ZNF248: variants seen among roughly 807,000 people sequenced by gnomAD.
ZNF248 encodes zinc finger protein 248, also known as KRAB protein domain.
In ZNF248, 20 loss-of-function variants were observed where a neutral mutation model predicts 44.3. The ratio of observed to expected loss-of-function variants is 0.45; its 90% CI spans 0.32 to 0.66. ZNF248 has a LOEUF of 0.66. Ranked by LOEUF, ZNF248 falls within the 30% of genes least tolerant of loss-of-function variation. The pLI is 0.04. For missense variants in ZNF248, 654 were observed against 677.0 expected (o/e 0.97, Z 0.38); for synonymous variants, 224 against 229.0 (o/e 0.98, Z 0.20).
At chr10:37,763,351 T>A in the ZNF248 span, among the ~76,000 whole-genome samples, 276 of 152,334 alleles carry the variant, frequency 1.8e-3, no homozygotes, top group Non-Finnish European at 2.9e-3. Flanking sequence ...AGTAGATAAC[T>A]TCAAGGAGCC....
chr10:37,849,152 G>A (rs1338305504), intron 3 of ZNF248, among the ~76,000 whole-genome samples: 10 of 152,104 alleles, frequency 6.6e-5, no homozygotes, highest in African/African-American at 2.4e-4. Context: ...ATTAACAACA[G>A]GCCAGACATG....
intron 6 of ZNF248, among the ~76,000 whole-genome samples, chr10:37,816,324 G>A (rs1380073633): frequency 6.6e-6 from 1 of 152,218 alleles, no homozygotes; most frequent in Non-Finnish European, 1.5e-5. Flanking sequence ...AGTGACTAGA[G>A]CACAGTTCCC....
downstream of ZNF248, among the ~76,000 whole-genome samples, chr10:37,773,988 T>TACACACAC (rs139568981): frequency 6.7e-6 from 1 of 149,166 alleles, no homozygotes; most frequent in Non-Finnish European, 1.5e-5. Flanking sequence ...TGAAAATGAA[T>TACACACAC]ACACACACAC....
chr10:37,812,914 C>T (rs114081376), intron 6 of ZNF248, among the ~76,000 whole-genome samples: 1,657 of 151,278 alleles, frequency 0.011, 35 homozygotes, highest in African/African-American at 0.038. Flanking sequence ...GACCCCAAAA[C>T]AATAAATTCC....
intron 6 of ZNF248, among the ~76,000 whole-genome samples, chr10:37,814,510 C>G (rs920514384): frequency 1.3e-5 from 2 of 152,180 alleles, no homozygotes; most frequent in Non-Finnish European, 2.9e-5. Context: ...TAGTTTCTGT[C>G]TAGTGTCCTT....
chr10:37,844,563 A>G (rs2058944747), intron 3 of ZNF248, among the ~76,000 whole-genome samples: 1 of 152,216 alleles, frequency 6.6e-6, no homozygotes, highest in African/African-American at 2.4e-5. Flanking sequence ...TCAGTGCACA[A>G]TGTATAAAGA....
intron 6 of ZNF248, chr10:37,819,549 G>T: frequency 1.0e-6 from 1 of 965,738 alleles, no homozygotes; most frequent in Non-Finnish European, 1.7e-6. Flanking sequence ...CTGTCATTTA[G>T]CATTGGATGA....
the ZNF248 span, among the ~76,000 whole-genome samples, chr10:37,770,012 T>A: frequency 1.2e-4 from 18 of 152,132 alleles, no homozygotes; most frequent in Non-Finnish European, 2.2e-4. Flanking sequence ...ATGAGTGAAC[T>A]CCCTTTCACC....
intron 6 of ZNF248, among the ~76,000 whole-genome samples, chr10:37,790,647 T>C (rs1431604485): frequency 6.6e-6 from 1 of 151,812 alleles, no homozygotes; most frequent in Admixed American, 6.6e-5. Context: ...GAGGCAGTGG[T>C]TGCAGTGAGC....
chr10:37,818,707 G>T (rs2052967867), intron 6 of ZNF248: 9 of 570,372 alleles, frequency 1.6e-5, no homozygotes, highest in Non-Finnish European at 2.9e-5. Flanking sequence ...AGCAAGTAGG[G>T]GGTCACAGGC....
At chr10:37,841,662 G>A (rs1195329482) in intron 3 of ZNF248, among the ~76,000 whole-genome samples, 2 of 152,198 alleles carry the variant, frequency 1.3e-5, no homozygotes, top group African/African-American at 4.8e-5. Context: ...GTTGAAAACG[G>A]AGGACAAAGG....
rs73236275 is a variant in ZNF248, at chr10:37,805,056, C to T, written c.330+27969G>A. Among the ~76,000 whole-genome samples the T allele has an allele frequency of 3.9e-3, 592 of 152,166 alleles. 5 individuals carry two copies. The highest frequency in any genetic ancestry group is 0.014 in the African/African-American group (572 of 41,530). On this transcript the variant is annotated intron_variant, in intron 6 of 6. Coordinates refer to the ZNF248 transcript ENST00000615949. ...TTAGGCCAATGCACCCACTTCAACACCTAGAAAAAAACTAGACAAATAATA... is the reference window on the plus strand; with the variant it reads ...TTAGGCCAATGCACCCACTTCAACATCTAGAAAAAAACTAGACAAATAATA...
At chr10:37,850,197 GTAC>G in intron 3 of ZNF248, among the ~76,000 whole-genome samples, 1 of 152,166 alleles carries the variant, frequency 6.6e-6, no homozygotes, top group Non-Finnish European at 1.5e-5. Context: ...AATTTAAACT[GTAC>G]CAACTCTCTT....
chr10:37,822,589 A>G (rs2133667804), intron 6 of ZNF248, among the ~76,000 whole-genome samples: 1 of 152,256 alleles, frequency 6.6e-6, no homozygotes, highest in African/African-American at 2.4e-5. Context: ...ACATATTAAT[A>G]AAATGTCTCT....
intron 6 of ZNF248, among the ~76,000 whole-genome samples, chr10:37,778,652 T>C (rs1227626479): frequency 1.3e-5 from 2 of 152,204 alleles, no homozygotes; most frequent in Non-Finnish European, 2.9e-5. Flanking sequence ...CTAGGGTTTT[T>C]ATGGTTTCAG....
intron 3 of ZNF248, among the ~76,000 whole-genome samples, chr10:37,841,770 CTGAA>C (rs1396562088): frequency 6.6e-6 from 1 of 152,192 alleles, no homozygotes; most frequent in African/African-American, 2.4e-5. Flanking sequence ...TAGGATGTGA[CTGAA>C]TGACACTACC....
chr10:37,832,318 T>C lies in ZNF248; in HGVS notation c.1037A>G (p.His346Arg), dbSNP rs368308929. Residue 346 changes from histidine (H) to arginine (R), a missense_variant, in exon 6 of 6, where the codon CAC becomes CGC. Physicochemically the swap from His to Arg is conservative, Grantham distance 29. Transcript: ENST00000395867. ...GTAATCATAAGACTTTCCCCCCATG[T>C]GTACTATTTGATGTTTTAAGAGAGC... ...KSALLKHQIV[H>R]MGGKSYDYNE... The C allele has an allele frequency of 4.5e-5, 72 of 1,613,956 alleles. No individual in the cohort carries two copies. The highest frequency in any genetic ancestry group is 6.0e-5 in the Non-Finnish European group (71 of 1,179,964).
chr10:37,809,137 T>C (rs1454910007), intron 6 of ZNF248, among the ~76,000 whole-genome samples: 1 of 152,218 alleles, frequency 6.6e-6, no homozygotes, highest in East Asian at 1.9e-4. Flanking sequence ...AGCTAAGGGT[T>C]TGTCAATTTT....
chr10:37,826,706 C>A (rs2054446946), downstream of ZNF248, among the ~76,000 whole-genome samples: 1 of 152,158 alleles, frequency 6.6e-6, no homozygotes, highest in Non-Finnish European at 1.5e-5. Context: ...TGAGCTGATA[C>A]TACTATTTAT....
Sources: allele counts gnomAD v4.1 joint callset (sites outside exome capture counted in the v4.1 genomes callset), GRCh38; gene constraint gnomAD v4.1.1; transcripts MANE v1.5; gene names NCBI Gene and HGNC (gene_info 2026-07-23, HGNC 2026-07-21).